The following LIG1 variants were observed in gnomAD, a reference collection of about 807,000 sequenced individuals.
LIG1 encodes the protein DNA ligase 1.
A neutral mutation model predicts 115.7 loss-of-function variants in LIG1; 70 were observed. That is an observed-to-expected ratio of 0.60 (90% CI 0.50 to 0.74). The LOEUF (loss-of-function observed/expected upper bound fraction) is 0.74. Among genes scored for constraint, LIG1 ranks in the 30% least tolerant of loss-of-function variants. The probability of loss-of-function intolerance (pLI) is 0.00; values close to 1 mark genes in which losing one functional copy is unlikely to be tolerated. For synonymous variants in LIG1, 487 were observed against 495.3 expected, an observed-to-expected ratio of 0.98 and a Z score of 0.22; for missense variants, 1,115 against 1,225.6, an observed-to-expected ratio of 0.91 and a Z score of 1.35.
At chr19:48,119,509 T>A (rs2033115118) in intron 24 of LIG1, among the ~76,000 whole-genome samples, 1 of 146,848 alleles carries the variant, frequency 6.8e-6, no homozygotes, top group African/African-American at 2.5e-5. Flanking sequence ...GCCCAGTAAC[T>A]GGCTGTCCTC....
At chr19:48,142,490 T>C (rs1395306578) in intron 11 of LIG1, among the ~76,000 whole-genome samples, 2 of 142,326 alleles carry the variant, frequency 1.4e-5, no homozygotes, top group Admixed American at 7.2e-5. Flanking sequence ...AATGCTCCAC[T>C]CATGTTGGGG....
At chr19:48,151,376 C>A (rs1426110421) in intron 6 of LIG1, 37 bp from the exon 7 acceptor site, 2 of 1,269,962 alleles carry the variant, frequency 1.6e-6, no homozygotes, top group South Asian at 2.4e-5. Context: ...GCAAAAAAAT[C>A]CCATTGAACC....
chr19:48,120,286 G>A (rs1428278385), intron 24 of LIG1: 17 of 985,300 alleles, frequency 1.7e-5, no homozygotes, highest in South Asian at 4.7e-5. Flanking sequence ...TTCAGGTCCT[G>A]TTGCCATATT....
rs945928573 is a variant in LIG1 at position 48,134,000 on chromosome 19, C to G, written c.1590G>C (p.Glu530Asp). The G allele has an allele frequency of 6.4e-7, 1 of 1,554,868 alleles. No individual in the cohort carries two copies. The highest frequency in any genetic ancestry group is 1.2e-5 in the South Asian group (1 of 84,298). The change falls in exon 17 of 28, where the codon GAG becomes GAC. Residue 530 changes from glutamate to aspartate, a missense_variant. Transcript: ENST00000263274. Reference sequence around the variant, plus strand: ...CTGTACCTGGGCTCAGCTTGCAGTGCTCCGGGAGACGTTCCAGGCCGTGCT... The same window carrying G: ...CTGTACCTGGGCTCAGCTTGCAGTGGTCCGGGAGACGTTCCAGGCCGTGCT... Reference protein sequence around the residue: ...LLEHGLERLPEHCKLSPGIPL... With the variant: ...LLEHGLERLPDHCKLSPGIPL...
intron 21 of LIG1, among the ~76,000 whole-genome samples, chr19:48,126,199 C>T (rs1412458834): frequency 6.6e-6 from 1 of 152,064 alleles, no homozygotes; most frequent in African/African-American, 2.4e-5. Flanking sequence ...GTAGCCATGC[C>T]GCTAGGAAGG....
At chr19:48,162,520 G>A (rs1049057067) in intron 2 of LIG1, among the ~76,000 whole-genome samples, 169 bp from the exon 3 acceptor site, 4 of 147,004 alleles carry the variant, frequency 2.7e-5, no homozygotes, top group Admixed American at 1.4e-4. Flanking sequence ...TGCAAGCTCC[G>A]CCTCCTGGGT....
chr19:48,143,984 T>A, intron 9 of LIG1, 21 bp from the exon 10 acceptor site: 1 of 1,579,960 alleles, frequency 6.3e-7, no homozygotes, highest in Non-Finnish European at 8.7e-7. Context: ...AAAACGGAGA[T>A]TGAATTGCAT....
At chr19:48,163,332 C>G (rs139921173) in intron 2 of LIG1, among the ~76,000 whole-genome samples, 7,724 of 152,126 alleles carry the variant, frequency 0.051, 456 homozygotes, top group African/African-American at 0.14. Context: ...AGTGTTTCTC[C>G]TGCCTCAGCC....
At chr19:48,133,445 A>C in intron 17 of LIG1, 1 of 341,940 alleles carries the variant, frequency 2.9e-6, no homozygotes, top group Non-Finnish European at 5.6e-6. Flanking sequence ...TGGGGTGACA[A>C]CCTTTGGAGG....
At chr19:48,161,568 G>A in intron 3 of LIG1, 61 bp from the exon 4 acceptor site, 1 of 1,583,600 alleles carries the variant, frequency 6.3e-7, no homozygotes, top group Non-Finnish European at 8.7e-7. Flanking sequence ...TGGGGGCACT[G>A]CCCGCAAACA....
chr19:48,154,607 T>G (rs1329966078), intron 5 of LIG1: 2 of 158,518 alleles, frequency 1.3e-5, no homozygotes, highest in Non-Finnish European at 2.8e-5. Flanking sequence ...CACTTGCACT[T>G]GAATCCCTGT....
intron 4 of LIG1, among the ~76,000 whole-genome samples, chr19:48,161,022 C>A (rs2036143124): frequency 6.6e-6 from 1 of 152,124 alleles, no homozygotes; most frequent in Non-Finnish European, 1.5e-5. Flanking sequence ...CAGACGTAAG[C>A]CATTGTGCTG....
chr19:48,141,593 C>T (rs2034761706), intron 11 of LIG1, among the ~76,000 whole-genome samples: 1 of 152,342 alleles, frequency 6.6e-6, no homozygotes, highest in Middle Eastern at 3.4e-3. Flanking sequence ...ACACCAAGGC[C>T]GTGTGCCTGA....
chr19:48,168,197 G>C (rs898378484), intron 1 of LIG1, among the ~76,000 whole-genome samples: 1 of 152,182 alleles, frequency 6.6e-6, no homozygotes, highest in African/African-American at 2.4e-5. Context: ...AGTTGCAAGG[G>C]AAGGAGAAAT....
chr19:48,121,347 G>C (rs998660308), intron 23 of LIG1, 25 bp from the exon 24 acceptor site: 3 of 1,575,936 alleles, frequency 1.9e-6, no homozygotes, highest in Admixed American at 3.5e-5. Flanking sequence ...GGCAAGAGAT[G>C]AGAAGGGGGA....
rs1402217433 is a variant in LIG1, at chr19:48,138,646, C to T, written c.1088-958G>A. On this transcript the variant is annotated intron_variant, in intron 12 of 27. Transcript: ENST00000263274. ...GGGGGCCACAAGGCGGCACGGAGAGCAGTGTGAGTGTGAACACGACCCATC... is the reference window on the plus strand; with the variant it reads ...GGGGGCCACAAGGCGGCACGGAGAGTAGTGTGAGTGTGAACACGACCCATC... Among the ~76,000 whole-genome samples the T allele has an allele frequency of 3.3e-5, 5 of 152,294 alleles. No homozygotes were observed. In the East Asian group the frequency reaches 7.7e-4, roughly 24 times the overall value.
intron 5 of LIG1, among the ~76,000 whole-genome samples, chr19:48,156,161 G>T (rs150982109): frequency 1.7e-4 from 26 of 152,102 alleles, no homozygotes; most frequent in African/African-American, 6.3e-4. Context: ...CGCTCTACAC[G>T]CCAGCACACC....
intron 21 of LIG1, among the ~76,000 whole-genome samples, chr19:48,124,642 T>G (rs957916819): frequency 6.6e-6 from 1 of 152,228 alleles, no homozygotes; most frequent in Non-Finnish European, 1.5e-5. Flanking sequence ...GAAAGGATAA[T>G]ATCTTAGACA....
rs2034338958 is a variant in LIG1 at position 48,135,747 on chromosome 19, C to T, written c.1456G>A (p.Gly486Ser). Reference sequence around the variant, plus strand: ...GTCTTTCTGGCCTCTGCTGTCTTGCCCTTCCCAGCATCCACCATGGCTGGT... The same window carrying T: ...GTCTTTCTGGCCTCTGCTGTCTTGCTCTTCCCAGCATCCACCATGGCTGGT... ...FPPAMVDAGK[G>S]KTAEARKTWL... The change falls in exon 16 of 28, where the codon GGC (glycine) becomes AGC (serine). Residue 486 changes from glycine (G) to serine (S), a missense_variant. Gly to Ser is a moderately conservative substitution (Grantham distance 56, BLOSUM62 0). Transcript: ENST00000263274. The T allele has an allele frequency of 2.5e-6, 4 of 1,614,080 alleles. No individual in the cohort carries two copies. The highest frequency in any genetic ancestry group is 3.4e-6 in the Non-Finnish European group (4 of 1,180,034).
Sources: gnomAD v4.1 joint callset for allele counts (sites outside exome capture counted in the v4.1 genomes callset) on GRCh38, gnomAD v4.1.1 for gene constraint, MANE v1.5 for transcripts, NCBI Gene and HGNC (gene_info 2026-07-23, HGNC 2026-07-21) for gene names.